Variants in TRAK1 observed in about 807,000 individuals in gnomAD.
TRAK1 encodes trafficking kinesin-binding protein 1.
TRAK1 carries 33 observed loss-of-function variants against 92.1 expected under a neutral mutation model. The observed-to-expected ratio is 0.36, with a 90% CI of 0.27 to 0.48. The LOEUF (loss-of-function observed/expected upper bound fraction) is 0.48. Ranked by LOEUF, TRAK1 falls within the 20% of genes least tolerant of loss-of-function variation. The pLI, the probability that TRAK1 is intolerant of heterozygous loss-of-function variation, is 0.99. For missense variants in TRAK1, 1,123 were observed against 1,257.9 expected (o/e 0.89, Z 1.62); for synonymous variants, 521 against 517.3 (o/e 1.01, Z -0.10).
intron 10 of TRAK1, 82 bp downstream of exon 10, chr3:42,195,023 A>C (rs1417785458): frequency 1.3e-6 from 2 of 1,539,402 alleles, no homozygotes; most frequent in Non-Finnish European, 1.8e-6. Flanking sequence ...TGGCCACTGG[A>C]GTTGGGTGTT....
intron 2 of TRAK1, among the ~76,000 whole-genome samples, chr3:42,159,595 G>GCTTTATAAAT (rs1701011732): frequency 6.6e-6 from 1 of 152,256 alleles, no homozygotes; most frequent in South Asian, 2.1e-4. Context: ...TATAAATTTG[G>GCTTTATAAAT]CTGTGGAAAC....
intron 1 of TRAK1, among the ~76,000 whole-genome samples, chr3:42,048,961 C>T (rs146412551): frequency 2.4e-3 from 365 of 152,294 alleles, no homozygotes; most frequent in Non-Finnish European, 4.4e-3. Context: ...ATGTTGAGCT[C>T]ACTGCAGTCT....
intron 3 of TRAK1, 69 bp downstream of exon 3, chr3:42,176,959 C>A: frequency 7.4e-7 from 1 of 1,355,698 alleles, no homozygotes; most frequent in Non-Finnish European, 1.1e-6. Flanking sequence ...CTGATTAAAG[C>A]ATGCCTTATC....
In TRAK1 at chr3:42,224,880, A is replaced by G. The variant is rs554892233; in HGVS notation, c.*1143A>G. On this transcript the variant is annotated 3_prime_UTR_variant, in exon 16 of 16. Transcript: ENST00000327628. The stretch of plus-strand genomic sequence containing the variant: ...TGCGGTCTTTGATTGCAGCCATTCA[A>G]TGCCCACATGCTTTTCCTTCTTGTT... 6.6e-5 allele frequency: 10 copies of G among 152,278 alleles called. No homozygotes were observed. The South Asian group carries it at 1.5e-3, about 22-fold the overall frequency. 9.4% of individuals were successfully genotyped at this position (152,278 alleles called of 1,614,324 possible). A position where few individuals can be genotyped will look rare whatever the true frequency, so the allele number is the denominator to read the frequency against.
intron 1 of TRAK1, among the ~76,000 whole-genome samples, chr3:42,095,990 C>A (rs1337159635): frequency 1.3e-5 from 2 of 152,132 alleles, no homozygotes; most frequent in African/African-American, 4.8e-5. Flanking sequence ...AGGAACCAAG[C>A]CCTTACCAGA....
At chr3:42,086,540 C>G (rs1356144768), upstream of TRAK1, among the ~76,000 whole-genome samples, 2 of 151,994 alleles carry the variant, frequency 1.3e-5, no homozygotes, top group African/African-American at 4.8e-5. Context: ...TGGTCTTGAA[C>G]TCCTGACCTC....
chr3:42,149,330 C>T (rs1699685621), intron 2 of TRAK1: 4 of 1,429,604 alleles, frequency 2.8e-6, no homozygotes, highest in East Asian at 5.1e-5. Context: ...CCTCCTACTC[C>T]CTCCTTCCCC....
At chr3:42,053,048 C>T (rs1253589544) in intron 1 of TRAK1, among the ~76,000 whole-genome samples, 1 of 152,138 alleles carries the variant, frequency 6.6e-6, no homozygotes, top group Non-Finnish European at 1.5e-5. Flanking sequence ...TGCAAGCTGG[C>T]TGAATGTTGC....
intron 14 of TRAK1, chr3:42,210,730 T>G (rs1175936530): frequency 2.0e-6 from 2 of 985,988 alleles, no homozygotes; most frequent in Non-Finnish European, 2.4e-6. Context: ...CAAAGTGGAT[T>G]TTTAAAAAGT....
chr3:42,111,880 A>G (rs942837692), intron 1 of TRAK1, among the ~76,000 whole-genome samples: 7 of 149,980 alleles, frequency 4.7e-5, no homozygotes, highest in Non-Finnish European at 8.9e-5. Context: ...AAATTTGCCA[A>G]CACTTGTTTT....
chr3:42,069,927 C>T (rs1173066140), intron 1 of TRAK1, among the ~76,000 whole-genome samples: 1 of 152,026 alleles, frequency 6.6e-6, no homozygotes, highest in African/African-American at 2.4e-5. Flanking sequence ...TCTCCCCTCA[C>T]TGCAACTGCT....
intron 2 of TRAK1, among the ~76,000 whole-genome samples, chr3:42,144,233 C>G (rs1002380569): frequency 6.6e-6 from 1 of 150,572 alleles, no homozygotes; most frequent in Non-Finnish European, 1.5e-5. Flanking sequence ...TTTGTACCCC[C>G]TTTTTAATTG....
chr3:42,146,238 T>C, intron 2 of TRAK1: 1 of 304,996 alleles, frequency 3.3e-6, no homozygotes, highest in Non-Finnish European at 6.7e-6. Flanking sequence ...ATAGCTGATG[T>C]CCTTGTTCTT....
At chr3:42,069,879 T>C (rs941145792) in intron 1 of TRAK1, among the ~76,000 whole-genome samples, 1 of 151,896 alleles carries the variant, frequency 6.6e-6, no homozygotes, top group African/African-American at 2.4e-5. Flanking sequence ...TGAGACAGAA[T>C]TTTGTTCTGT....
At chr3:42,191,414 T>G in intron 6 of TRAK1, 144 bp from the exon 7 acceptor site, 2 of 619,952 alleles carry the variant, frequency 3.2e-6, no homozygotes, top group Non-Finnish European at 5.5e-6. Context: ...CTTTCTGTAT[T>G]TGAGGGTACG....
intron 1 of TRAK1, among the ~76,000 whole-genome samples, chr3:42,069,853 G>T (rs1224806092): frequency 6.6e-6 from 1 of 151,976 alleles, no homozygotes; most frequent in Non-Finnish European, 1.5e-5. Flanking sequence ...TGAAGAAGTG[G>T]AATTGCTTTT....
chr3:42,024,524 T>G (rs1263967642), intron 1 of TRAK1, among the ~76,000 whole-genome samples: 3 of 152,210 alleles, frequency 2.0e-5, no homozygotes, highest in Non-Finnish European at 4.4e-5. Context: ...AGCATTGGTA[T>G]TTTAAATCAA....
chr3:42,123,902 G>A lies in TRAK1; in HGVS notation c.92-1518G>A, dbSNP rs370944831. 1.6e-4 allele frequency among the ~76,000 whole-genome samples: 24 copies of A among 152,088 alleles called. No individual in the cohort carries two copies. In the East Asian group the frequency reaches 1.7e-3, roughly 11 times the overall value. ...TCATGCCTGTAATCCCAGCACTTTGGGGGGCCAAGGCAGGAGGATTGCGTG... is the reference window on the plus strand; with the variant it reads ...TCATGCCTGTAATCCCAGCACTTTGAGGGGCCAAGGCAGGAGGATTGCGTG... On this transcript the variant is annotated intron_variant, in intron 1 of 15. Transcript: ENST00000327628.
At chr3:42,182,763 G>A (rs1441385802) in intron 3 of TRAK1, among the ~76,000 whole-genome samples, 1 of 152,214 alleles carries the variant, frequency 6.6e-6, no homozygotes, top group South Asian at 2.1e-4. Flanking sequence ...CGCTCATACT[G>A]CAGTGAAGTT....
Sources: allele counts gnomAD v4.1 joint callset (sites outside exome capture counted in the v4.1 genomes callset), GRCh38; gene constraint gnomAD v4.1.1; transcripts MANE v1.5; gene names NCBI Gene and HGNC (gene_info 2026-07-23, HGNC 2026-07-21).